Variants in ZFHX3 observed in about 807,000 individuals in gnomAD.
ZFHX3 encodes zinc finger homeobox protein 3.
ZFHX3 carries 42 observed loss-of-function variants against 279.1 expected under a neutral mutation model. That is an observed-to-expected ratio of 0.15 (90% CI 0.12 to 0.19). ZFHX3 has a LOEUF of 0.19. Ranked by LOEUF, ZFHX3 falls within the 10% of genes least tolerant of loss-of-function variation. ZFHX3 has a pLI of 1.00. For missense variants in ZFHX3, 4,981 were observed against 4,754.0 expected (o/e 1.05, Z -1.40); for synonymous variants, 2,293 against 1,957.8 (o/e 1.17, Z -4.52).
chr16:73,162,494 C>T (rs1967262876), intron 5 of ZFHX3, among the ~76,000 whole-genome samples: 1 of 152,124 alleles, frequency 6.6e-6, no homozygotes, highest in African/African-American at 2.4e-5. Context: ...AGAAATAAAG[C>T]ACACAATAAA....
intron 4 of ZFHX3, among the ~76,000 whole-genome samples, chr16:72,837,039 A>G (rs9933418): frequency 0.071 from 10,860 of 152,164 alleles, 1,333 homozygotes; most frequent in African/African-American, 0.24. Context: ...CGTGTATGAT[A>G]AGCAAATGGG....
chr16:73,216,717 C>T (rs28453048), intron 5 of ZFHX3, among the ~76,000 whole-genome samples: 2,071 of 151,846 alleles, frequency 0.014, 46 homozygotes, highest in African/African-American at 0.046. Context: ...GAGCTGAGAT[C>T]GCGCCACTGC....
At chr16:73,071,466 C>G (rs1045538822) in intron 8 of ZFHX3, among the ~76,000 whole-genome samples, 16 of 150,616 alleles carry the variant, frequency 1.1e-4, no homozygotes, top group African/African-American at 3.2e-4. Context: ...TCTGCTGCTG[C>G]TGCTGCTGCT....
chr16:73,205,718 T>G (rs184468521), intron 5 of ZFHX3, among the ~76,000 whole-genome samples: 5 of 152,214 alleles, frequency 3.3e-5, no homozygotes, highest in Admixed American at 6.5e-5. Context: ...AGGAAAGCAG[T>G]AAAAATAATA....
At chr16:73,734,259 G>A (rs1396915961) in intron 1 of ZFHX3, among the ~76,000 whole-genome samples, 1 of 152,160 alleles carries the variant, frequency 6.6e-6, no homozygotes, top group Non-Finnish European at 1.5e-5. Context: ...CCCAGGGTTA[G>A]GGGATGGACT....
At chr16:72,961,958 C>T (rs1306535511) in intron 1 of ZFHX3, among the ~76,000 whole-genome samples, 8 of 152,170 alleles carry the variant, frequency 5.3e-5, no homozygotes, top group African/African-American at 9.7e-5. Flanking sequence ...GACTTCCTCG[C>T]AAGGCTGAGC....
intron 4 of ZFHX3, among the ~76,000 whole-genome samples, chr16:73,313,429 A>C (rs1290491574): frequency 1.3e-5 from 2 of 152,212 alleles, no homozygotes; most frequent in Non-Finnish European, 2.9e-5. Context: ...AGTATGTACT[A>C]CGTGTCAAAA....
chr16:73,019,600 TC>T (rs1177244042), intron 1 of ZFHX3, among the ~76,000 whole-genome samples: 1 of 152,168 alleles, frequency 6.6e-6, no homozygotes, highest in Non-Finnish European at 1.5e-5. Context: ...CGCTCTGCTA[TC>T]CCCACCTTCA....
At chr16:73,005,387 TGA>T (rs1963665322) in intron 1 of ZFHX3, among the ~76,000 whole-genome samples, 1 of 152,046 alleles carries the variant, frequency 6.6e-6, no homozygotes. Flanking sequence ...CCCAGTTACT[TGA>T]GAGACTGAGG....
At chr16:72,926,399 C>T (rs1273252849) in intron 3 of ZFHX3, among the ~76,000 whole-genome samples, 1 of 152,150 alleles carries the variant, frequency 6.6e-6, no homozygotes, top group African/African-American at 2.4e-5. Flanking sequence ...AGAGCTACAG[C>T]GACTCCACTT....
intron 1 of ZFHX3, among the ~76,000 whole-genome samples, chr16:73,743,906 T>C (rs1441484641): frequency 6.6e-6 from 1 of 152,148 alleles, no homozygotes; most frequent in Admixed American, 6.6e-5. Context: ...GAATACAGCC[T>C]GGACAACTCT....
At chr16:73,549,400 T>G (rs1239299023) in intron 2 of ZFHX3, among the ~76,000 whole-genome samples, 1 of 152,150 alleles carries the variant, frequency 6.6e-6, no homozygotes, top group African/African-American at 2.4e-5. Context: ...AGGTTCTTTT[T>G]TTCTTTAATG....
intron 6 of ZFHX3, chr16:73,131,180 C>G (rs1237529181): frequency 7.5e-6 from 3 of 399,134 alleles, no homozygotes; most frequent in African/African-American, 6.3e-5. Context: ...ACCATGAGCA[C>G]AAGTCAACGC....
intron 4 of ZFHX3, among the ~76,000 whole-genome samples, chr16:73,309,481 C>A (rs2015272561): frequency 6.6e-6 from 1 of 152,102 alleles, no homozygotes; most frequent in Admixed American, 6.5e-5. Context: ...GTTTAATGTG[C>A]ACTCCTGCAA....
At chr16:73,453,046 AC>A (rs2018305401) in intron 3 of ZFHX3, among the ~76,000 whole-genome samples, 1 of 32,084 alleles carries the variant, frequency 3.1e-5, no homozygotes, top group Non-Finnish European at 6.4e-5. Context: ...CCACCCACCC[AC>A]CCATCCATCC....
At chr16:73,474,261 C>T (rs1220871887) in intron 2 of ZFHX3, among the ~76,000 whole-genome samples, 2 of 152,112 alleles carry the variant, frequency 1.3e-5, no homozygotes, top group African/African-American at 4.8e-5. Flanking sequence ...GATTCTCATG[C>T]CTCAGCCTCC....
At chr16:73,057,209 T>C (rs1965574780) in intron 1 of ZFHX3, among the ~76,000 whole-genome samples, 1 of 152,234 alleles carries the variant, frequency 6.6e-6, no homozygotes, top group African/African-American at 2.4e-5. Context: ...TTGAAAGCGC[T>C]TGTAATCAAA....
intron 4 of ZFHX3, among the ~76,000 whole-genome samples, chr16:72,887,065 G>T (rs894454894): frequency 6.6e-6 from 1 of 152,158 alleles, no homozygotes; most frequent in South Asian, 2.1e-4. Context: ...ACTGACTGTC[G>T]AAACCTCAAC....
At chr16:73,029,188 A>G (rs1434220763) in intron 1 of ZFHX3, among the ~76,000 whole-genome samples, 3 of 152,144 alleles carry the variant, frequency 2.0e-5, no homozygotes, top group Non-Finnish European at 4.4e-5. Flanking sequence ...AGTCCTTTCA[A>G]TGGCTCCCAC....
Sources: gnomAD v4.1 joint callset for allele counts (sites outside exome capture counted in the v4.1 genomes callset) on GRCh38, gnomAD v4.1.1 for gene constraint, MANE v1.5 for transcripts, NCBI Gene and HGNC (gene_info 2026-07-23, HGNC 2026-07-21) for gene names.